Variants in IGSF10 observed in about 807,000 individuals in gnomAD.
IGSF10 encodes immunoglobulin superfamily member 10.
Under a neutral mutation model 128.2 loss-of-function variants are expected in IGSF10, and 126 were observed. The observed-to-expected ratio is 0.98, with a 90% CI of 0.85 to 1.14. The LOEUF (loss-of-function observed/expected upper bound fraction) is 1.14, where lower values mean the gene tolerates loss of function less well. Ranked by LOEUF, IGSF10 falls within the 50% of genes most tolerant of loss-of-function variation. The probability of loss-of-function intolerance (pLI) is 0.00; values close to 1 mark genes in which losing one functional copy is unlikely to be tolerated. For missense variants in IGSF10, 3,295 were observed against 3,149.8 expected (o/e 1.05, Z -1.10); for synonymous variants, 1,185 against 1,146.2 (o/e 1.03, Z -0.68).
In IGSF10 at chr3:151,438,368, A is replaced by G; in HGVS notation, c.6193T>C (p.Ser2065Pro). ...CTCCAAGATATCTCTGGCACTGGGG[A>G]GCCGGAAGCTTTGCAATCTACTTGG... Reference protein sequence around the residue: ...DFQVDCKASGSPVPEISWSLP... With the variant: ...DFQVDCKASGPPVPEISWSLP... Residue 2065 changes from serine (S) to proline (P), a missense_variant, in exon 8 of 8, where the codon TCC becomes CCC. By Grantham distance (74) the Ser-to-Pro change is moderately conservative. Coordinates refer to ENST00000282466, the MANE Select transcript of IGSF10 (RefSeq NM_178822.5). 1 of 1,614,110 alleles carries G rather than the reference A, an allele frequency of 6.2e-7. No homozygotes were observed. Among genetic ancestry groups the G allele is most frequent in the Non-Finnish European group, 8.5e-7 (1 of 1,180,024 alleles).
At position 151,449,201 on chromosome 3, in the gene IGSF10, G is replaced by A. The variant is rs1721390828; in HGVS notation, c.780C>T (p.Asn260=). The change falls in exon 6 of 8, where the codon AAC becomes AAT. Residue 260 remains asparagine (N), a synonymous_variant. Coordinates refer to ENST00000282466, the MANE Select transcript of IGSF10 (RefSeq NM_178822.5). ...ACGGCTTGCCTTTAGAAGTCCTAGG[G>A]TTCATGCAAAGTGGACACTGCTGAG... The part of the protein sequence containing the change: ...SSAQQCPLCM[N]PRTSKGKPLA... 1 of 1,614,036 alleles carries A rather than the reference G, an allele frequency of 6.2e-7. No individual in the cohort carries two copies. Among genetic ancestry groups the A allele is most frequent in the Non-Finnish European group, 8.5e-7 (1 of 1,179,992 alleles).
Position 151,437,689 on chromosome 3 carries a change from G to GTGAT in IGSF10, c.6868_6871dup (p.Thr2291AsnfsTer5). Reference sequence around the variant, plus strand: ...TTCCAAGGTTCCATTTTTATGGACTGTGATTCTGCTTCCATAGTATGGGGC... The same window carrying GTGAT: ...TTCCAAGGTTCCATTTTTATGGACTGTGATTGATTCTGCTTCCATAGTATGGGGC... On this transcript the variant is annotated frameshift_variant, in exon 8 of 8. Coordinates refer to ENST00000282466, the MANE Select transcript of IGSF10 (RefSeq NM_178822.5). LOFTEE classifies it low-confidence loss of function (END_TRUNC). 1.2e-6 allele frequency: 2 copies of GTGAT among 1,614,162 alleles called. No individual in the cohort carries two copies. Among genetic ancestry groups the GTGAT allele is most frequent in the Non-Finnish European group, 1.7e-6 (2 of 1,180,024 alleles).
the IGSF10 span, among the ~76,000 whole-genome samples, chr3:151,489,945 A>T: frequency 2.0e-5 from 3 of 152,176 alleles, no homozygotes; most frequent in Non-Finnish European, 4.4e-5. Context: ...CACTCTGTAC[A>T]TGTACCCCAG....
In IGSF10 at chr3:151,437,009, T is replaced by TAATC. The variant is rs542925190; in HGVS notation, c.7548_7551dup (p.Thr2518AspfsTer50). The TAATC allele has an allele frequency of 4.5e-4, 729 of 1,614,196 alleles. 7 individuals carry two copies. The South Asian group carries it at 7.1e-3, about 16-fold the overall frequency. ...TAGGCTACAATCATTACTGGAACAGTAATCAGTGTATGACCAACACTATTT... is the reference window on the plus strand; with the variant it reads ...TAGGCTACAATCATTACTGGAACAGTAATCAATCAGTGTATGACCAACACTATTT... On this transcript the variant is annotated frameshift_variant, in exon 8 of 8. Coordinates refer to ENST00000282466, the MANE Select transcript of IGSF10 (RefSeq NM_178822.5). LOFTEE classifies it low-confidence loss of function (END_TRUNC).
chr3:151,617,260 C>CTCTTCTTCTTTTTCTTCTTCT, the IGSF10 span, among the ~76,000 whole-genome samples: 1 of 55,688 alleles, frequency 1.8e-5, no homozygotes, highest in Non-Finnish European at 3.3e-5. Flanking sequence ...TCTTCTCCTT[C>CTCTTCTTCTTTTTCTTCTTCT]TCTTCTTCTT....
the IGSF10 span, among the ~76,000 whole-genome samples, chr3:151,567,778 CT>C: frequency 1.3e-5 from 2 of 152,150 alleles, no homozygotes; most frequent in Non-Finnish European, 2.9e-5. Context: ...TCTAAACCTG[CT>C]TAGCCTATTT....
At chr3:151,493,911 G>A in the IGSF10 span, among the ~76,000 whole-genome samples, 273 of 152,018 alleles carry the variant, frequency 1.8e-3, no homozygotes, top group African/African-American at 6.1e-3. Context: ...TGACAAGTAT[G>A]TATTTGTTGT....
At chr3:151,561,923 T>C in the IGSF10 span, among the ~76,000 whole-genome samples, 3 of 152,184 alleles carry the variant, frequency 2.0e-5, no homozygotes. Flanking sequence ...CCCATGTGTA[T>C]AGCCTTGACG....
chr3:151,467,881 C>CAAAAAAA, the IGSF10 span, among the ~76,000 whole-genome samples: 1 of 113,304 alleles, frequency 8.8e-6, no homozygotes. Flanking sequence ...GACTCCATCT[C>CAAAAAAA]AAAAAAAAAA....
At chr3:151,548,090 A>G in the IGSF10 span, among the ~76,000 whole-genome samples, 2 of 152,164 alleles carry the variant, frequency 1.3e-5, no homozygotes, top group Non-Finnish European at 2.9e-5. Flanking sequence ...CTTATATCCA[A>G]CACATTATAG....
chr3:151,471,670 C>A, the IGSF10 span, among the ~76,000 whole-genome samples: 1 of 152,076 alleles, frequency 6.6e-6, no homozygotes, highest in Non-Finnish European at 1.5e-5. Context: ...TAGTGGAACC[C>A]CCATCAAAAA....
chr3:151,551,333 C>G, the IGSF10 span, among the ~76,000 whole-genome samples: 1 of 151,920 alleles, frequency 6.6e-6, no homozygotes, highest in Non-Finnish European at 1.5e-5. Flanking sequence ...TTCCAAGACC[C>G]CACTCCACAG....
the IGSF10 span, among the ~76,000 whole-genome samples, chr3:151,500,919 C>T: frequency 6.6e-6 from 1 of 151,986 alleles, no homozygotes; most frequent in Non-Finnish European, 1.5e-5. Flanking sequence ...CATGGCCATG[C>T]CTGACTTCCA....
At chr3:151,515,039 C>G in the IGSF10 span, among the ~76,000 whole-genome samples, 3 of 152,272 alleles carry the variant, frequency 2.0e-5, no homozygotes, top group African/African-American at 7.2e-5. Context: ...ACTAGTTCAA[C>G]CATTGTGAAA....
chr3:151,597,807 C>T, the IGSF10 span, among the ~76,000 whole-genome samples: 4 of 151,986 alleles, frequency 2.6e-5, no homozygotes, highest in African/African-American at 4.8e-5. Context: ...ATCCCAGCTA[C>T]TCAGGAGGCT....
chr3:151,566,824 A>C, the IGSF10 span, among the ~76,000 whole-genome samples: 1 of 152,202 alleles, frequency 6.6e-6, no homozygotes, highest in Non-Finnish European at 1.5e-5. Context: ...CAATGTCAAG[A>C]AGAATTATAT....
the IGSF10 span, among the ~76,000 whole-genome samples, chr3:151,501,976 T>C: frequency 6.6e-6 from 1 of 152,028 alleles, no homozygotes; most frequent in Admixed American, 6.6e-5. Context: ...GAGTCCTAGA[T>C]TGGATGTATC....
At chr3:151,467,297 T>C in the IGSF10 span, among the ~76,000 whole-genome samples, 2 of 152,178 alleles carry the variant, frequency 1.3e-5, no homozygotes, top group African/African-American at 4.8e-5. Flanking sequence ...AAGTAAGACC[T>C]GATCAGCCAG....
In IGSF10 at chr3:151,437,150, C is replaced by G; in HGVS notation, c.7411G>C (p.Gly2471Arg). 1.2e-6 allele frequency: 2 copies of G among 1,614,146 alleles called. No homozygotes were observed. The highest frequency in any genetic ancestry group is 1.7e-6 in the Non-Finnish European group (2 of 1,180,024). ...KPNIKWTMPSGYVVDRPQING... is the reference protein window; with the variant it reads ...KPNIKWTMPSRYVVDRPQING... ...ATTTGAGGCCTGTCTACTACATAAC[C>G]ACTTGGCATAGTCCATTTGATATTT... is the stretch of plus-strand genomic sequence containing the variant. Residue 2471 changes from glycine to arginine, a missense_variant, in exon 8 of 8, where the codon GGT becomes CGT. Physicochemically the swap from Gly to Arg is moderately radical, Grantham distance 125 (BLOSUM62 -2). Transcript: ENST00000282466.
Sources: gnomAD v4.1 joint callset for allele counts (sites outside exome capture counted in the v4.1 genomes callset) on GRCh38, gnomAD v4.1.1 for gene constraint, MANE v1.5 for transcripts, NCBI Gene and HGNC (gene_info 2026-07-23, HGNC 2026-07-21) for gene names.